SLC10A7: variants seen among roughly 807,000 people sequenced by gnomAD.
SLC10A7 encodes sodium/bile acid cotransporter 7.
In SLC10A7, 29 loss-of-function variants were observed where a neutral mutation model predicts 43.2. That is an observed-to-expected ratio of 0.67 (90% confidence interval 0.50 to 0.92). The LOEUF is 0.92. Among genes scored for constraint, SLC10A7 ranks in the 40% least tolerant of loss-of-function variants. SLC10A7 has a pLI of 0.00. For missense variants in SLC10A7, 295 were observed against 403.2 expected (o/e 0.73, Z 2.30); for synonymous variants, 152 against 144.8 (o/e 1.05, Z -0.35).
At chr4:146,315,461 T>C (rs1345837341) in intron 6 of SLC10A7, among the ~76,000 whole-genome samples, 1 of 152,058 alleles carries the variant, frequency 6.6e-6, no homozygotes, top group Non-Finnish European at 1.5e-5. Flanking sequence ...ACCATGCAAA[T>C]GAAAACAAAA....
At chr4:146,271,463 C>T (rs146109952) in intron 10 of SLC10A7, among the ~76,000 whole-genome samples, 4 of 152,278 alleles carry the variant, frequency 2.6e-5, no homozygotes, top group Admixed American at 6.5e-5. Context: ...ACCCCTATTA[C>T]CTTTGACCAA....
intron 5 of SLC10A7, among the ~76,000 whole-genome samples, chr4:146,413,058 T>G (rs978461892): frequency 2.6e-5 from 4 of 152,136 alleles, no homozygotes; most frequent in African/African-American, 9.7e-5. Context: ...CTTCCTAAAC[T>G]TCTCTATTCC....
At chr4:146,305,600 A>T (rs1021350583) in intron 7 of SLC10A7, among the ~76,000 whole-genome samples, 4 of 152,010 alleles carry the variant, frequency 2.6e-5, no homozygotes, top group Non-Finnish European at 5.9e-5. Context: ...AACTTAAAAA[A>T]AAAAGACTTG....
chr4:146,329,857 A>G (rs1038638802), intron 5 of SLC10A7, among the ~76,000 whole-genome samples: 21 of 152,236 alleles, frequency 1.4e-4, no homozygotes, highest in Non-Finnish European at 2.8e-4. Flanking sequence ...TCTTTTGAGT[A>G]TATGCAGCTC....
intron 10 of SLC10A7, among the ~76,000 whole-genome samples, chr4:146,260,656 G>A (rs10519784): frequency 0.064 from 9,682 of 152,246 alleles, 428 homozygotes; most frequent in South Asian, 0.21. Context: ...GCACCTAGTG[G>A]TCAGGAAAAT....
chr4:146,327,908 G>A (rs969381273), intron 5 of SLC10A7, among the ~76,000 whole-genome samples: 4 of 151,774 alleles, frequency 2.6e-5, no homozygotes, highest in Non-Finnish European at 5.9e-5. Context: ...TGAGGGTCTG[G>A]AGATCAATAT....
chr4:146,428,643 C>G (rs1729545544), intron 5 of SLC10A7, among the ~76,000 whole-genome samples: 1 of 151,114 alleles, frequency 6.6e-6, no homozygotes, highest in Non-Finnish European at 1.5e-5. Flanking sequence ...CTTTTTCATA[C>G]TTATATTTTT....
At chr4:146,451,982 A>G (rs1359395021) in intron 4 of SLC10A7, among the ~76,000 whole-genome samples, 1 of 152,064 alleles carries the variant, frequency 6.6e-6, no homozygotes, top group Non-Finnish European at 1.5e-5. Context: ...CTCTACCTCC[A>G]GGCATCTTGG....
intron 10 of SLC10A7, among the ~76,000 whole-genome samples, chr4:146,280,909 A>C (rs1454916838): frequency 1.3e-5 from 2 of 152,176 alleles, no homozygotes; most frequent in East Asian, 3.9e-4. Context: ...CCAGGAAAGT[A>C]TCAGTGGAAG....
chr4:146,367,297 G>C (rs1024116043), intron 5 of SLC10A7, among the ~76,000 whole-genome samples: 2 of 151,762 alleles, frequency 1.3e-5, no homozygotes, highest in African/African-American at 4.9e-5. Context: ...GTGCAGTGCT[G>C]TCCAATAGAA....
chr4:146,454,417 T>G (rs1185799993), intron 4 of SLC10A7, among the ~76,000 whole-genome samples: 1 of 151,818 alleles, frequency 6.6e-6, no homozygotes, highest in Middle Eastern at 3.2e-3. Context: ...AAAGGATCTT[T>G]TCCAAGGTCA....
Position 146,453,592 on chromosome 4 carries a change from T to C in SLC10A7, c.397-10771A>G, listed in dbSNP as rs554938547. Among the ~76,000 whole-genome samples the C allele has an allele frequency of 2.6e-5, 4 of 152,126 alleles. No individual in the cohort carries two copies. The South Asian group carries it at 8.3e-4, about 32-fold the overall frequency. ...TTTTACATATTGTTCCAACTACAGCTCTCAGTCATTTGATGGTATTGATGG... is the reference window on the plus strand; with the variant it reads ...TTTTACATATTGTTCCAACTACAGCCCTCAGTCATTTGATGGTATTGATGG... On this transcript the variant is annotated intron_variant, in intron 4 of 11. Transcript: ENST00000335472.
At chr4:146,416,775 T>C (rs1456064048) in intron 5 of SLC10A7, among the ~76,000 whole-genome samples, 1 of 152,200 alleles carries the variant, frequency 6.6e-6, no homozygotes, top group East Asian at 1.9e-4. Context: ...CTTTATAATC[T>C]GGACCCTTAT....
intron 5 of SLC10A7, among the ~76,000 whole-genome samples, chr4:146,391,225 C>A (rs1401404390): frequency 6.6e-6 from 1 of 152,168 alleles, no homozygotes; most frequent in African/African-American, 2.4e-5. Flanking sequence ...TCTTACAGTT[C>A]TCATATACAT....
At chr4:146,462,441 A>G (rs1470339275) in intron 4 of SLC10A7, among the ~76,000 whole-genome samples, 2 of 152,188 alleles carry the variant, frequency 1.3e-5, no homozygotes, top group Non-Finnish European at 2.9e-5. Context: ...GACTTGCTCA[A>G]GATCACACAA....
At chr4:146,434,664 A>G (rs993076474) in intron 5 of SLC10A7, among the ~76,000 whole-genome samples, 6 of 152,188 alleles carry the variant, frequency 3.9e-5, no homozygotes, top group South Asian at 2.1e-4. Context: ...CCTGGGTCCA[A>G]GGGATTCTCC....
At chr4:146,436,372 G>A (rs914504467) in intron 5 of SLC10A7, among the ~76,000 whole-genome samples, 8 of 151,962 alleles carry the variant, frequency 5.3e-5, no homozygotes, top group Admixed American at 2.6e-4. Context: ...CTTCTTGATT[G>A]GAGCATTATA....
intron 4 of SLC10A7, among the ~76,000 whole-genome samples, chr4:146,467,465 A>AT (rs1733132902): frequency 7.0e-6 from 1 of 142,730 alleles, no homozygotes; most frequent in African/African-American, 2.8e-5. Flanking sequence ...ACACACACAC[A>AT]CACACACACA....
At chr4:146,450,288 T>A (rs1731468891) in intron 4 of SLC10A7, among the ~76,000 whole-genome samples, 1 of 152,180 alleles carries the variant, frequency 6.6e-6, no homozygotes. Flanking sequence ...GTACAACTTC[T>A]TACACAGCAT....
Sources: gnomAD v4.1 joint callset for allele counts (sites outside exome capture counted in the v4.1 genomes callset) on GRCh38, gnomAD v4.1.1 for gene constraint, MANE v1.5 for transcripts, NCBI Gene and HGNC (gene_info 2026-07-23, HGNC 2026-07-21) for gene names.